The following HDAC1 variants were observed in gnomAD, a reference collection of about 807,000 sequenced individuals.
The protein encoded by HDAC1 is histone deacetylase 1.
HDAC1 carries 18 observed loss-of-function variants against 65.5 expected under a neutral mutation model. The observed-to-expected ratio is 0.27, with a 90% confidence interval of 0.19 to 0.41. The LOEUF (loss-of-function observed/expected upper bound fraction) is 0.41, where lower values mean the gene tolerates loss of function less well. Ranked by LOEUF, HDAC1 falls within the 10% of genes least tolerant of loss-of-function variation. The pLI, the probability that HDAC1 is intolerant of heterozygous loss-of-function variation, is 1.00. For missense variants in HDAC1, 373 were observed against 625.2 expected (o/e 0.60, Z 4.30); for synonymous variants, 211 against 227.9 (o/e 0.93, Z 0.67).
Position 32,330,699 on chromosome 1 carries a change from A to C in HDAC1, c.838+13A>C. 2 of 1,613,658 alleles carry C rather than the reference A, an allele frequency of 1.2e-6. No homozygotes were observed. Among genetic ancestry groups the C allele is most frequent in the Non-Finnish European group, 1.7e-6 (2 of 1,179,532 alleles). ...CTAACTATCAAAGGTGAGACCAGGT[A>C]GCACAAGGATGGGTGGGCGGGGTCC... On this transcript the variant is annotated intron_variant, in intron 8 of 13. Transcript: ENST00000373548. The surrounding 1 kb of genome is among the most constrained non-coding windows in gnomAD (Gnocchi z 4.2).
At chr1:32,293,320 T>TA (rs551512691) in intron 1 of HDAC1, among the ~76,000 whole-genome samples, 8,241 of 121,548 alleles carry the variant, frequency 0.068, 359 homozygotes, top group East Asian at 0.16. Context: ...GGCTCTGTCT[T>TA]AAAAAAAAAA....
intron 2 of HDAC1, among the ~76,000 whole-genome samples, chr1:32,312,003 T>C (rs1036732133): frequency 3.3e-5 from 5 of 152,166 alleles, no homozygotes; most frequent in Non-Finnish European, 7.3e-5. Flanking sequence ...TTTCTTTCAC[T>C]GTGGGTGTTT....
At chr1:32,295,757 GTTATT>G (rs1640760198) in intron 1 of HDAC1, among the ~76,000 whole-genome samples, 2 of 151,864 alleles carry the variant, frequency 1.3e-5, no homozygotes, top group Admixed American at 6.6e-5. Flanking sequence ...CATATGGATA[GTTATT>G]TTATTTGTTT....
rs780653401 is a variant in HDAC1 at position 32,327,528 on chromosome 1, G to T, written c.495-8G>T. 2.5e-6 allele frequency: 4 copies of T among 1,610,202 alleles called. No individual in the cohort carries two copies. The African/African-American group carries it at 5.4e-5, about 22-fold the overall frequency. ...GCCCCCAGACCCCTGACCCCCTTCT[G>T]ATCCTAGGTATCACCAGAGGGTGCT... is the stretch of plus-strand genomic sequence containing the variant. On this transcript the variant is annotated splice_region_variant and splice_polypyrimidine_tract_variant and intron_variant, in intron 5 of 13. Transcript: ENST00000373548. This position sits in a 1 kb window ranked among gnomAD's most constrained non-coding sequence, Gnocchi z 6.0.
At chr1:32,304,176 A>G (rs575124886) in intron 2 of HDAC1, among the ~76,000 whole-genome samples, 1 of 152,306 alleles carries the variant, frequency 6.6e-6, no homozygotes, top group East Asian at 1.9e-4. Context: ...CAGCTTGAGT[A>G]AACTACCAAC....
In HDAC1 at chr1:32,330,896, G is replaced by C. The variant is rs1319826897; in HGVS notation, c.967G>C (p.Glu323Gln). The C allele has an allele frequency of 6.2e-7, 1 of 1,614,026 alleles. No individual in the cohort carries two copies. The highest frequency in any genetic ancestry group is 8.5e-7 in the Non-Finnish European group (1 of 1,180,012). The change falls in exon 9 of 14, where the codon GAG (glutamate) becomes CAG (glutamine). Residue 323 changes from glutamate (E) to glutamine (Q), a missense_variant. Glu to Gln is a conservative substitution (Grantham distance 29, BLOSUM62 2). This residue lies in a region of HDAC1 where 105 missense variants were observed against 192.6 expected (regional missense o/e 0.55). Transcript: ENST00000373548. The surrounding 1 kb of genome is among the most constrained non-coding windows in gnomAD (Gnocchi z 4.2). ...TGAGACAGCTGTGGCCCTGGATACG[G>C]AGATCCCTAATGGTAATAGCTGCAG... ...TYETAVALDT[E>Q]IPNELPYNDY... is the part of the protein sequence containing the mutation.
intron 1 of HDAC1, 191 bp downstream of exon 1, chr1:32,292,409 A>T: frequency 4.1e-6 from 4 of 985,240 alleles, no homozygotes; most frequent in Non-Finnish European, 4.8e-6. Flanking sequence ...GGCTGAGACC[A>T]AGAGGGGATC....
chr1:32,322,121 G>A (rs747597961), intron 3 of HDAC1, among the ~76,000 whole-genome samples: 10 of 152,230 alleles, frequency 6.6e-5, no homozygotes, highest in Non-Finnish European at 1.3e-4. Context: ...TCCAAACTGA[G>A]CTCTTCTGCT....
chr1:32,328,969 T>C, intron 6 of HDAC1, 99 bp from the exon 7 acceptor site: 1 of 792,484 alleles, frequency 1.3e-6, no homozygotes, highest in Non-Finnish European at 2.3e-6. Flanking sequence ...GGGCCTAGCT[T>C]GTCTCTCTTG....
chr1:32,332,656 C>T (rs1200291072), intron 12 of HDAC1, 45 bp from the exon 13 acceptor site: 2 of 1,470,946 alleles, frequency 1.4e-6, no homozygotes, highest in African/African-American at 2.8e-5. Flanking sequence ...CATGGGTCTT[C>T]CCAGAGGTGC....
At chr1:32,316,864 C>T (rs913227814) in intron 3 of HDAC1, 82 bp downstream of exon 3, 7 of 852,116 alleles carry the variant, frequency 8.2e-6, no homozygotes, top group East Asian at 2.4e-5. Context: ...CTGCCGTCCT[C>T]GCACCTCCCA....
chr1:32,300,662 A>C (rs1640835712), intron 1 of HDAC1, among the ~76,000 whole-genome samples: 1 of 152,222 alleles, frequency 6.6e-6, no homozygotes, highest in African/African-American at 2.4e-5. Flanking sequence ...TTGGAGCTTG[A>C]GGTGGGCTTT....
chr1:32,308,477 T>A (rs1640942162), intron 2 of HDAC1, among the ~76,000 whole-genome samples: 1 of 152,116 alleles, frequency 6.6e-6, no homozygotes, highest in South Asian at 2.1e-4. Context: ...CAAGTGAGAT[T>A]TAATTTGTGT....
chr1:32,294,230 C>T (rs1034663242), intron 1 of HDAC1, among the ~76,000 whole-genome samples: 2 of 151,248 alleles, frequency 1.3e-5, no homozygotes, highest in Non-Finnish European at 2.9e-5. Context: ...GCAACTGCAA[C>T]CTCCACCTCC....
intron 4 of HDAC1, among the ~76,000 whole-genome samples, chr1:32,325,018 C>T (rs967493267): frequency 8.5e-5 from 13 of 152,064 alleles, no homozygotes; most frequent in African/African-American, 3.1e-4. Context: ...CAGTCCCAGC[C>T]CAGGTTCAAT....
intron 2 of HDAC1, among the ~76,000 whole-genome samples, chr1:32,307,829 T>C (rs1341684499): frequency 1.3e-5 from 2 of 152,174 alleles, no homozygotes; most frequent in Non-Finnish European, 2.9e-5. Context: ...AGCCCTTTCC[T>C]TCAGAGATTT....
At chr1:32,298,245 C>T (rs112321637) in intron 1 of HDAC1, among the ~76,000 whole-genome samples, 1 of 151,926 alleles carries the variant, frequency 6.6e-6, no homozygotes, top group Admixed American at 6.6e-5. Context: ...TATGCCACCA[C>T]GCCCGGCTAA....
At chr1:32,332,314 G>C in intron 12 of HDAC1, 72 bp downstream of exon 12, 1 of 1,433,106 alleles carries the variant, frequency 7.0e-7, no homozygotes, top group Non-Finnish European at 9.5e-7. Context: ...AGTGGGAGGA[G>C]GGAGTGACTC....
chr1:32,319,992 G>A (rs763247871), intron 3 of HDAC1, among the ~76,000 whole-genome samples: 20 of 151,800 alleles, frequency 1.3e-4, no homozygotes, highest in South Asian at 6.2e-4. Context: ...CGAGGTGGGC[G>A]GATCACGAGG....
Sources: allele counts gnomAD v4.1 joint callset (sites outside exome capture counted in the v4.1 genomes callset), GRCh38; gene constraint gnomAD v4.1.1; regional missense constraint gnomAD v4.1.1; non-coding constraint Gnocchi (gnomAD v3.1); transcripts MANE v1.5; gene names NCBI Gene and HGNC (gene_info 2026-07-23, HGNC 2026-07-21).